NIN: variants seen among roughly 807,000 people sequenced by gnomAD.
The protein encoded by NIN is glycogen synthase kinase 3 beta-interacting protein.
In NIN, 137 loss-of-function variants were observed where a neutral mutation model predicts 257.6. That is an observed-to-expected ratio of 0.53 (90% CI 0.46 to 0.61). The LOEUF (loss-of-function observed/expected upper bound fraction) is 0.61. Among genes scored for constraint, NIN ranks in the 20% least tolerant of loss-of-function variants. NIN has a pLI of 0.00. For synonymous variants in NIN, 918 were observed against 919.8 expected (o/e 1.00, Z 0.04); for missense variants, 2,439 against 2,501.2 (o/e 0.98, Z 0.53).
chr14:50,792,969 T>C lies in NIN; in HGVS notation c.266-88A>G, dbSNP rs1595881757. ...CACAGCCATCGGACACAGCCTCTTA[T>C]ACCAACCTCAAAATAAACCACCACT... On this transcript the variant is annotated intron_variant, in intron 4 of 30. Transcript: ENST00000530997. 10 of 1,349,882 alleles carry C rather than the reference T, an allele frequency of 7.4e-6. No homozygotes were observed. In the East Asian group the frequency reaches 9.5e-5, roughly 13 times the overall value. The allele number at this position is 1,349,882 out of a possible 1,614,324, so 83.6% of individuals were successfully genotyped here.
chr14:50,812,035 G>A (rs769067734), intron 3 of NIN, among the ~76,000 whole-genome samples: 2 of 152,006 alleles, frequency 1.3e-5, no homozygotes, highest in African/African-American at 2.4e-5. Context: ...CAGGAGAATC[G>A]CTTAAACCCA....
intron 5 of NIN, among the ~76,000 whole-genome samples, chr14:50,788,086 G>A (rs1286030811): frequency 6.6e-6 from 1 of 152,094 alleles, no homozygotes; most frequent in Non-Finnish European, 1.5e-5. Flanking sequence ...ATGTAAACAT[G>A]TAAAATGTTT....
rs771281548 is a variant in NIN at position 50,806,723 on chromosome 14, G to A, written c.265+14C>T. The A allele has an allele frequency of 2.0e-6, 3 of 1,480,026 alleles. No individual in the cohort carries two copies. The highest frequency in any genetic ancestry group is 2.8e-6 in the Non-Finnish European group (3 of 1,064,888). The allele number at this position is 1,480,026 out of a possible 1,614,324, so 91.7% of individuals were successfully genotyped here. The stretch of plus-strand genomic sequence containing the variant: ...TTAAAGGGGAAGGCAGAGAAGAGAA[G>A]TGAGTGACCTTACCTGGTTCTTGAA... On this transcript the variant is annotated intron_variant, in intron 4 of 30. Transcript: ENST00000530997.
intron 5 of NIN, among the ~76,000 whole-genome samples, chr14:50,779,674 C>T (rs12432544): frequency 0.054 from 8,128 of 151,840 alleles, 223 homozygotes; most frequent in African/African-American, 0.079. Context: ...AGGAGAATGG[C>T]GTGAACCCGG....
chr14:50,816,832 C>A (rs536225913), intron 3 of NIN, among the ~76,000 whole-genome samples: 3 of 152,288 alleles, frequency 2.0e-5, no homozygotes, highest in African/African-American at 7.2e-5. Context: ...TTCCTCCCTG[C>A]CTGTTCTAAG....
At chr14:50,776,352 C>A (rs554033082) in intron 7 of NIN, among the ~76,000 whole-genome samples, 1 of 152,250 alleles carries the variant, frequency 6.6e-6, no homozygotes, top group South Asian at 2.1e-4. Flanking sequence ...TTCAAAACAA[C>A]CAAACTACCC....
chr14:50,764,808 G>A lies in NIN; in HGVS notation c.1636-844C>T, dbSNP rs191594492. On this transcript the variant is annotated intron_variant, in intron 14 of 30. Coordinates refer to ENST00000530997, the MANE Select transcript of NIN (RefSeq NM_020921.4). ...TACACTAATAATTGCCTAGAGCTAG[G>A]GGGCTTGGGAGAGATTATGGCTAAG... Among the ~76,000 whole-genome samples the A allele has an allele frequency of 2.0e-5, 3 of 152,098 alleles. No homozygotes were observed. In the East Asian group the frequency reaches 5.8e-4, roughly 29 times the overall value.
intron 4 of NIN, chr14:50,794,297 A>G (rs1277994519): frequency 1.9e-5 from 3 of 153,986 alleles, no homozygotes; most frequent in Non-Finnish European, 4.3e-5. Flanking sequence ...TATGGTAGCT[A>G]TATAATTTCT....
At chr14:50,751,467 T>C (rs929034752) in intron 21 of NIN, among the ~76,000 whole-genome samples, 1 of 132,356 alleles carries the variant, frequency 7.6e-6, no homozygotes, top group Non-Finnish European at 1.6e-5. Flanking sequence ...ATGCCAGTCT[T>C]ATAGGTGAGA....
chr14:50,829,520 C>A (rs2045604767), intron 2 of NIN, among the ~76,000 whole-genome samples: 1 of 152,186 alleles, frequency 6.6e-6, no homozygotes, highest in Non-Finnish European at 1.5e-5. Flanking sequence ...GGATTCTCAT[C>A]CTACAAAGCT....
intron 25 of NIN, among the ~76,000 whole-genome samples, chr14:50,740,410 A>C (rs1047992082): frequency 4.6e-5 from 7 of 151,402 alleles, no homozygotes; most frequent in African/African-American, 1.7e-4. Flanking sequence ...GTGCAGTGGC[A>C]CGATCTTGGC....
rs1484746723 is a variant in NIN, at chr14:50,738,188, C to T, written c.5727G>A (p.Lys1909=). Residue 1909 remains lysine (K), a synonymous_variant, in exon 27 of 31, where the codon AAG becomes AAA. Transcript: ENST00000530997. ...CTTTCTGAAACTGATCACACTCTCT[C>T]TTTAAGCTCAATTTTTCTTGCTCTG... ...NPTEQEKLSL[K]RECDQFQKEQ... The T allele has an allele frequency of 6.2e-7, 1 of 1,614,172 alleles. No homozygotes were observed. Among genetic ancestry groups the T allele is most frequent in the East Asian group, 2.2e-5 (1 of 44,878 alleles).
intron 4 of NIN, among the ~76,000 whole-genome samples, chr14:50,804,934 C>A (rs1364946736): frequency 6.6e-6 from 1 of 152,240 alleles, no homozygotes; most frequent in Non-Finnish European, 1.5e-5. Flanking sequence ...CGTGGTCTAG[C>A]TCATCCTACT....
chr14:50,762,712 G>C (rs114949403), intron 15 of NIN, among the ~76,000 whole-genome samples: 4 of 152,190 alleles, frequency 2.6e-5, no homozygotes, highest in Non-Finnish European at 5.9e-5. Flanking sequence ...CAGAAGAAAA[G>C]ATTATGACTA....
intron 16 of NIN, among the ~76,000 whole-genome samples, chr14:50,760,837 T>C (rs2042248753): frequency 6.6e-6 from 1 of 151,764 alleles, no homozygotes; most frequent in Admixed American, 6.6e-5. Context: ...CGTGCCCTAA[T>C]TTTTTTTTCT....
rs781692699 is a variant in NIN, at chr14:50,758,150, A to G, written c.2880T>C (p.Ala960=). ...EREEVLCQAG[A]SEQLASQRLE... ...GCCGCTGGCTGGCCAGCTGCTCCGA[A>G]GCCCCTGCCTGGCACAGGACCTCCT... Residue 960 remains alanine (A), a synonymous_variant, in exon 18 of 31, where the codon GCT becomes GCC. Coordinates refer to ENST00000530997, the MANE Select transcript of NIN (RefSeq NM_020921.4). 1 of 1,614,110 alleles carries G rather than the reference A, an allele frequency of 6.2e-7. No individual in the cohort carries two copies. Among genetic ancestry groups the G allele is most frequent in the South Asian group, 1.1e-5 (1 of 91,066 alleles).
chr14:50,768,305 A>G (rs565111367), intron 12 of NIN, among the ~76,000 whole-genome samples: 3 of 152,208 alleles, frequency 2.0e-5, no homozygotes, highest in Non-Finnish European at 4.4e-5. Flanking sequence ...CCAATTCTGT[A>G]ACATTAATCT....
chr14:50,757,215 C>T lies in NIN; in HGVS notation c.3815G>A (p.Arg1272His), dbSNP rs376940565. 90 of 1,613,994 alleles carry T rather than the reference C, an allele frequency of 5.6e-5. No homozygotes were observed. The Middle Eastern group carries it at 8.2e-4, about 15-fold the overall frequency. The change falls in exon 18 of 31, where the codon CGC becomes CAC. Residue 1272 changes from arginine (R) to histidine (H), a missense_variant. By Grantham distance (29) the Arg-to-His change is conservative. Coordinates refer to ENST00000530997, the MANE Select transcript of NIN (RefSeq NM_020921.4). ...LQEELRMMETRYDEALENNKE... is the reference protein window; with the variant it reads ...LQEELRMMETHYDEALENNKE... ...GTTATTTTCTAGTGCCTCATCGTAGCGTGTCTCCATCATTCTCAGCTCTTC... is the reference window on the plus strand; with the variant it reads ...GTTATTTTCTAGTGCCTCATCGTAGTGTGTCTCCATCATTCTCAGCTCTTC...
rs1236372342 is a variant in NIN, at chr14:50,721,851, C to T, written c.*1612G>A. On this transcript the variant is annotated 3_prime_UTR_variant, in exon 31 of 31. Transcript: ENST00000530997. ...AGGCCTCCTGGGTTGACCGGTGAGACTCATAAGCCCCCAAGAAACCCTGAA... is the reference window on the plus strand; with the variant it reads ...AGGCCTCCTGGGTTGACCGGTGAGATTCATAAGCCCCCAAGAAACCCTGAA... The T allele has an allele frequency of 9.0e-6, 2 of 223,196 alleles. No individual in the cohort carries two copies. Among genetic ancestry groups the T allele is most frequent in the African/African-American group, 4.5e-5 (2 of 44,766 alleles). The allele number at this position is 223,196 out of a possible 1,614,324, so 13.8% of individuals were successfully genotyped here.
Sources: allele counts gnomAD v4.1 joint callset (sites outside exome capture counted in the v4.1 genomes callset), GRCh38; gene constraint gnomAD v4.1.1; transcripts MANE v1.5; gene names NCBI Gene and HGNC (gene_info 2026-07-23, HGNC 2026-07-21).